Variants in TBC1D8B observed in about 807,000 individuals in gnomAD.
TBC1D8B encodes TBC1 domain family member 8B.
TBC1D8B carries 75 observed loss-of-function variants against 82.9 expected under a neutral mutation model. The ratio of observed to expected loss-of-function variants is 0.90; its 90% CI spans 0.75 to 1.10. The LOEUF is 1.10. TBC1D8B is among the 50% of genes least tolerant of loss of function. The probability of loss-of-function intolerance (pLI) is 0.00; values close to 1 mark genes in which losing one functional copy is unlikely to be tolerated. For missense variants in TBC1D8B, 794 were observed against 796.9 expected (o/e 1.00, Z 0.04); for synonymous variants, 276 against 276.8 (o/e 1.00, Z 0.03).
chrX:106,807,433 G>T (rs760090722), intron 1 of TBC1D8B, among the ~76,000 whole-genome samples: 1 of 106,273 alleles, frequency 9.4e-6, no homozygotes, highest in Non-Finnish European at 1.9e-5. Context: ...AGTAATGAAG[G>T]ATGATCAGTG....
intron 14 of TBC1D8B, among the ~76,000 whole-genome samples, chrX:106,856,612 A>G (rs762281501): frequency 1.4e-3 from 150 of 111,096 alleles, no homozygotes; most frequent in Admixed American, 6.6e-3. Context: ...CTTTCTTCAT[A>G]TGCTAAATTC....
At chrX:106,804,722 G>C (rs1197618332) in intron 1 of TBC1D8B, among the ~76,000 whole-genome samples, 1 of 110,189 alleles carries the variant, frequency 9.1e-6, no homozygotes, top group Non-Finnish European at 1.9e-5. Flanking sequence ...GGACAACATG[G>C]CGAAACCCCA....
At chrX:106,818,145 G>A (rs1249216197) in intron 1 of TBC1D8B, among the ~76,000 whole-genome samples, 2 of 110,530 alleles carry the variant, frequency 1.8e-5, no homozygotes, top group African/African-American at 3.3e-5. Context: ...AACTAATATC[G>A]GGTGTTTTAC....
intron 16 of TBC1D8B, 131 bp downstream of exon 16, chrX:106,866,164 T>C: frequency 1.6e-6 from 1 of 635,441 alleles, no homozygotes; most frequent in Non-Finnish European, 2.3e-6. Flanking sequence ...AAATGGACCC[T>C]TTTCTGCATT....
At chrX:106,831,567 G>C (rs777297832) in intron 7 of TBC1D8B, among the ~76,000 whole-genome samples, 1 of 111,650 alleles carries the variant, frequency 9.0e-6, no homozygotes, top group Non-Finnish European at 1.9e-5. Context: ...TTCAGTCCAC[G>C]TGTTAGCTTC....
At position 106,841,402 on chromosome X, in the gene TBC1D8B, G is replaced by A. The variant is rs769349052; in HGVS notation, c.1719+518G>A. Among the ~76,000 whole-genome samples the A allele has an allele frequency of 2.7e-5, 3 of 111,798 alleles. No individual in the cohort carries two copies. The East Asian group carries it at 8.5e-4, about 32-fold the overall frequency. On this transcript the variant is annotated intron_variant, in intron 10 of 20. Coordinates refer to ENST00000357242, the MANE Select transcript of TBC1D8B (RefSeq NM_017752.3). Reference sequence around the variant, plus strand: ...AATGAAAAGAACATGCCAGGTGATGGAATCCATGTAACCGAACATAGGTAG... The same window carrying A: ...AATGAAAAGAACATGCCAGGTGATGAAATCCATGTAACCGAACATAGGTAG...
chrX:106,855,679 TG>T (rs1390835091), intron 14 of TBC1D8B, among the ~76,000 whole-genome samples: 2 of 112,240 alleles, frequency 1.8e-5, no homozygotes, highest in Admixed American at 1.9e-4. Flanking sequence ...TAATACTTTA[TG>T]TAAACATTCT....
chrX:106,833,129 C>A (rs1242981119), intron 7 of TBC1D8B, among the ~76,000 whole-genome samples: 1 of 110,502 alleles, frequency 9.0e-6, no homozygotes, highest in African/African-American at 3.3e-5. Flanking sequence ...TTTATTATAC[C>A]GAGTTTATGA....
chrX:106,873,967 T>A lies in TBC1D8B; in HGVS notation c.*2T>A, dbSNP rs747144165. 1.7e-6 allele frequency: 2 copies of A among 1,171,586 alleles called. No homozygotes were observed. The highest frequency in any genetic ancestry group is 2.3e-6 in the Non-Finnish European group (2 of 877,489). ...TTAAGGTCTAGAACCAAGATGTAAATCCCTAGGAATTGCCTATCATAGACA... is the reference window on the plus strand; with the variant it reads ...TTAAGGTCTAGAACCAAGATGTAAAACCCTAGGAATTGCCTATCATAGACA... On this transcript the variant is annotated 3_prime_UTR_variant, in exon 21 of 21. Transcript: ENST00000357242.
intron 10 of TBC1D8B, among the ~76,000 whole-genome samples, chrX:106,841,276 G>A (rs779018921): frequency 1.8e-5 from 2 of 111,689 alleles, no homozygotes; most frequent in African/African-American, 3.2e-5. Context: ...TTTATAACAA[G>A]GAGAAACTAT....
At chrX:106,853,685 C>T (rs1278698821) in intron 13 of TBC1D8B, 35 bp downstream of exon 13, 3 of 1,147,063 alleles carry the variant, frequency 2.6e-6, no homozygotes, top group Non-Finnish European at 3.6e-6. Context: ...TATTAGCTAG[C>T]ATATTTAAAA....
intron 6 of TBC1D8B, among the ~76,000 whole-genome samples, chrX:106,826,767 T>C (rs984154995): frequency 9.0e-6 from 1 of 110,826 alleles, no homozygotes; most frequent in African/African-American, 3.3e-5. Flanking sequence ...CTTATCTTGT[T>C]TTTAAATTTT....
chrX:106,816,664 C>T (rs1045918036), intron 1 of TBC1D8B, among the ~76,000 whole-genome samples: 3 of 111,049 alleles, frequency 2.7e-5, no homozygotes, highest in African/African-American at 9.8e-5. Context: ...CTTCTTATCT[C>T]TATAATCTGC....
chrX:106,831,961 A>C (rs1406273025), intron 7 of TBC1D8B, among the ~76,000 whole-genome samples: 1 of 111,499 alleles, frequency 9.0e-6, no homozygotes, highest in Admixed American at 9.6e-5. Flanking sequence ...ACACGTAAAA[A>C]CTTAGTAAAG....
rs772069666 is a variant in TBC1D8B, at chrX:106,846,005, AC to A, written c.1720-2177del. Among the ~76,000 whole-genome samples, 19 of 108,405 alleles carry A rather than the reference AC, an allele frequency of 1.8e-4. 1 individual carries two copies. Among genetic ancestry groups the A allele is most frequent in the Middle Eastern group, 9.3e-3 (2 of 214 alleles). 94.1% of individuals were successfully genotyped at this position (108,405 alleles called of 115,157 possible). A position where few individuals can be genotyped will look rare whatever the true frequency, so the allele number is the denominator to read the frequency against. On this transcript the variant is annotated intron_variant, in intron 10 of 20. Coordinates refer to ENST00000357242, the MANE Select transcript of TBC1D8B (RefSeq NM_017752.3). ...GGAATGGGGCTTTGCTGGAGTTCCA[AC>A]CCCAATCTGTTCCATTCAGTAGCTA...
chrX:106,818,945 G>GT (rs370976127), intron 2 of TBC1D8B, among the ~76,000 whole-genome samples, 172 bp downstream of exon 2: 346 of 98,879 alleles, frequency 3.5e-3, no homozygotes, highest in East Asian at 6.6e-3. Flanking sequence ...GGGTTATTAA[G>GT]TTTTTTTTTT....
At chrX:106,844,369 G>A (rs967829427) in intron 10 of TBC1D8B, among the ~76,000 whole-genome samples, 74 of 108,247 alleles carry the variant, frequency 6.8e-4, no homozygotes, top group African/African-American at 2.0e-3. Context: ...ATCAGGTTGC[G>A]GAAGTTCTCT....
rs139589283 is a variant in TBC1D8B, at chrX:106,831,491, T to C, written c.1203+4154T>C. Among the ~76,000 whole-genome samples the C allele has an allele frequency of 3.0e-3, 332 of 111,524 alleles. 1 individual carries two copies. Among genetic ancestry groups the C allele is most frequent in the Non-Finnish European group, 5.7e-3 (302 of 53,079 alleles). On this transcript the variant is annotated intron_variant, in intron 7 of 20. Transcript: ENST00000357242. ...AGTAAAATCTGACCAGCCTTAGTAG[T>C]TTTCTCTCCCAATGCTCCCAAATTC...
intron 14 of TBC1D8B, among the ~76,000 whole-genome samples, chrX:106,859,462 T>C (rs761802374): frequency 8.9e-6 from 1 of 111,765 alleles, no homozygotes; most frequent in African/African-American, 3.3e-5. Context: ...TTTACTCTTT[T>C]TTTGGCTATT....
Sources: allele counts gnomAD v4.1 joint callset (sites outside exome capture counted in the v4.1 genomes callset), GRCh38; gene constraint gnomAD v4.1.1; transcripts MANE v1.5; gene names NCBI Gene and HGNC (gene_info 2026-07-23, HGNC 2026-07-21).